The following SMAD3 variants were observed in gnomAD, a reference collection of about 807,000 sequenced individuals.
SMAD3 encodes the protein MAD homolog 3.
SMAD3 carries 12 observed loss-of-function variants against 51.8 expected under a neutral mutation model. The ratio of observed to expected loss-of-function variants is 0.23; its 90% CI spans 0.15 to 0.38. The LOEUF (loss-of-function observed/expected upper bound fraction) is 0.38. Among genes scored for constraint, SMAD3 ranks in the 10% least tolerant of loss-of-function variants. The pLI is 1.00. For synonymous variants in SMAD3, 238 were observed against 227.7 expected (o/e 1.05, Z -0.41); for missense variants, 294 against 565.6 (o/e 0.52, Z 4.87).
intron 1 of SMAD3, among the ~76,000 whole-genome samples, chr15:67,067,561 A>T (rs1595882863): frequency 6.6e-6 from 1 of 151,952 alleles, no homozygotes; most frequent in Admixed American, 6.6e-5. Flanking sequence ...GCCAGGGTGG[A>T]CTCCATCCTT....
At chr15:67,099,071 A>AT in intron 1 of SMAD3, 1 of 698,512 alleles carries the variant, frequency 1.4e-6, no homozygotes, top group Non-Finnish European at 2.6e-6. Flanking sequence ...CGCCCTGTTG[A>AT]TTCATGTGTC....
intron 5 of SMAD3, among the ~76,000 whole-genome samples, chr15:67,171,145 A>G (rs1399973064): frequency 6.6e-6 from 1 of 152,228 alleles, no homozygotes; most frequent in African/African-American, 2.4e-5. Context: ...TTTGTGCATC[A>G]GGCATATATA....
Position 67,191,667 on chromosome 15 carries a change from A to G in SMAD3, c.*1131A>G, listed in dbSNP as rs906735286. 1 of 232,590 alleles carries G rather than the reference A, an allele frequency of 4.3e-6. No individual in the cohort carries two copies. The highest frequency in any genetic ancestry group is 2.2e-5 in the African/African-American group (1 of 45,324). 14.4% of individuals were successfully genotyped at this position (232,590 alleles called of 1,614,324 possible). A position where few individuals can be genotyped will look rare whatever the true frequency, so the allele number is the denominator to read the frequency against. On this transcript the variant is annotated 3_prime_UTR_variant, in exon 9 of 9. Transcript: ENST00000327367. Reference sequence around the variant, plus strand: ...TTTTGTTGAAGAGATACCTGCCAGCACTTCTGCAAGCTGAAATTTACAGAA... The same window carrying G: ...TTTTGTTGAAGAGATACCTGCCAGCGCTTCTGCAAGCTGAAATTTACAGAA...
At chr15:67,174,959 C>T (rs12912045) in intron 5 of SMAD3, among the ~76,000 whole-genome samples, 38,966 of 152,100 alleles carry the variant, frequency 0.26, 5,172 homozygotes, top group East Asian at 0.4. Flanking sequence ...GCTCAGCATC[C>T]TGCCCCAGGC....
intron 4 of SMAD3, among the ~76,000 whole-genome samples, chr15:67,168,666 C>G (rs1326882863): frequency 6.6e-6 from 1 of 152,242 alleles, no homozygotes; most frequent in African/African-American, 2.4e-5. Flanking sequence ...CCTCTTCCTC[C>G]TTGTGCCTCC....
chr15:67,111,875 C>A (rs1303395279), intron 1 of SMAD3, among the ~76,000 whole-genome samples: 1 of 152,104 alleles, frequency 6.6e-6, no homozygotes, highest in African/African-American at 2.4e-5. Flanking sequence ...GCAGCCTCTG[C>A]TTCCTGGGTT....
intron 1 of SMAD3, among the ~76,000 whole-genome samples, chr15:67,094,003 C>T (rs766839547): frequency 4.6e-5 from 7 of 152,214 alleles, no homozygotes; most frequent in Admixed American, 6.5e-5. Context: ...AATCTGAACC[C>T]GGATTGCATT....
At position 67,066,097 on chromosome 15, in the gene SMAD3, C is replaced by G. The variant is rs1595881984; in HGVS notation, c.-58C>G. 8.0e-6 allele frequency: 11 copies of G among 1,376,822 alleles called. 1 individual carries two copies. In the East Asian group the frequency reaches 2.0e-4, roughly 25 times the overall value. The allele number at this position is 1,376,822 out of a possible 1,614,324, so 85.3% of individuals were successfully genotyped here. ...GAGCTCCCCTCTGCGCCCCCGGCGT[C>G]CCGTCGAGCCCAGCCCCGCCGGGGG... On this transcript the variant is annotated 5_prime_UTR_variant, in exon 1 of 9. Transcript: ENST00000327367.
rs183913368 is a variant in SMAD3, at chr15:67,192,549, T to C, written c.*2013T>C. On this transcript the variant is annotated 3_prime_UTR_variant, in exon 9 of 9. Coordinates refer to ENST00000327367, the MANE Select transcript of SMAD3 (RefSeq NM_005902.4). ...AGCTCTGAGACCCAGGAACCAAATA[T>C]TCCATTTTGGCTTCTGCTAGAGCAG... The C allele has an allele frequency of 1.4e-3, 325 of 233,330 alleles. No homozygotes were observed. Among genetic ancestry groups the C allele is most frequent in the African/African-American group, 6.4e-3 (292 of 45,450 alleles). 14.5% of individuals were successfully genotyped at this position (233,330 alleles called of 1,614,324 possible). A position where few individuals can be genotyped will look rare whatever the true frequency, so the allele number is the denominator to read the frequency against.
At chr15:67,096,780 C>G (rs538635577) in intron 1 of SMAD3, among the ~76,000 whole-genome samples, 1 of 152,290 alleles carries the variant, frequency 6.6e-6, no homozygotes, top group African/African-American at 2.4e-5. Flanking sequence ...CTCTAGATCC[C>G]TGGTCTGCTC....
chr15:67,142,704 G>C (rs1048135089), intron 1 of SMAD3: 2 of 313,560 alleles, frequency 6.4e-6, no homozygotes, highest in African/African-American at 4.5e-5. Flanking sequence ...GAGGCTGCTG[G>C]CATCTTAAGA....
chr15:67,088,154 G>A (rs1020180031), intron 1 of SMAD3, among the ~76,000 whole-genome samples: 1 of 152,230 alleles, frequency 6.6e-6, no homozygotes, highest in Non-Finnish European at 1.5e-5. Context: ...GCTGCTGTGT[G>A]TAATTCTGGT....
At chr15:67,122,140 T>A (rs1327661012) in intron 1 of SMAD3, among the ~76,000 whole-genome samples, 1 of 152,232 alleles carries the variant, frequency 6.6e-6, no homozygotes, top group Non-Finnish European at 1.5e-5. Context: ...CCCCATTTTG[T>A]AGATGAGGAA....
At chr15:67,182,458 A>G (rs369392673) in intron 6 of SMAD3, among the ~76,000 whole-genome samples, 4 of 152,280 alleles carry the variant, frequency 2.6e-5, no homozygotes, top group African/African-American at 9.6e-5. Flanking sequence ...CTGGAGCCCC[A>G]AGGGTTGGCA....
intron 1 of SMAD3, among the ~76,000 whole-genome samples, chr15:67,100,459 G>C (rs1960726257): frequency 6.6e-6 from 1 of 151,988 alleles, no homozygotes; most frequent in South Asian, 2.1e-4. Flanking sequence ...ACAATATTGT[G>C]AATGAACTCA....
intron 5 of SMAD3, 82 bp from the exon 6 acceptor site, chr15:67,181,159 T>C (rs1963041558): frequency 1.9e-6 from 2 of 1,036,700 alleles, no homozygotes; most frequent in African/African-American, 1.6e-5. Context: ...GAAATGGTTT[T>C]CCAGAGTGTC....
chr15:67,129,287 G>A (rs1344324039), intron 1 of SMAD3, among the ~76,000 whole-genome samples: 1 of 152,200 alleles, frequency 6.6e-6, no homozygotes, highest in African/African-American at 2.4e-5. Context: ...GCCTTCTAGA[G>A]CAGTGTTGCC....
intron 8 of SMAD3, among the ~76,000 whole-genome samples, chr15:67,189,558 C>T (rs1963307231): frequency 6.6e-6 from 1 of 152,358 alleles, no homozygotes; most frequent in Admixed American, 6.5e-5. Context: ...CGGGCGCGGC[C>T]CCTTCCCAGA....
intron 1 of SMAD3, among the ~76,000 whole-genome samples, chr15:67,140,431 T>C (rs1290885745): frequency 1.3e-5 from 2 of 152,220 alleles, no homozygotes; most frequent in African/African-American, 2.4e-5. Flanking sequence ...CGTTCTCTCT[T>C]TACTTCTGCC....
Sources: gnomAD v4.1 joint callset for allele counts (sites outside exome capture counted in the v4.1 genomes callset) on GRCh38, gnomAD v4.1.1 for gene constraint, MANE v1.5 for transcripts, NCBI Gene and HGNC (gene_info 2026-07-23, HGNC 2026-07-21) for gene names.